The following MOB1A variants were observed in gnomAD, a reference collection of about 807,000 sequenced individuals.
MOB1A encodes the protein MOB kinase activator 1A.
A neutral mutation model predicts 25.1 loss-of-function variants in MOB1A; 10 were observed. The observed-to-expected ratio is 0.40, with a 90% CI of 0.25 to 0.68. The LOEUF (loss-of-function observed/expected upper bound fraction) is 0.68. MOB1A is among the 30% of genes least tolerant of loss of function. The pLI, the probability that MOB1A is intolerant of heterozygous loss-of-function variation, is 0.40. For synonymous variants in MOB1A, 81 were observed against 79.5 expected (o/e 1.02, Z -0.10); for missense variants, 177 against 256.3 (o/e 0.69, Z 2.11).
chr2:74,170,453 A>T (rs1023312139), intron 2 of MOB1A, among the ~76,000 whole-genome samples: 36 of 152,064 alleles, frequency 2.4e-4, no homozygotes, highest in Admixed American at 6.6e-4. Context: ...AAAGTTTTTT[A>T]AAAAAGGTTT....
At chr2:74,163,757 T>C (rs1054861685) in intron 4 of MOB1A, among the ~76,000 whole-genome samples, 7 of 152,194 alleles carry the variant, frequency 4.6e-5, no homozygotes, top group African/African-American at 1.7e-4. Context: ...TTAAGAAACT[T>C]GAACAACTGA....
chr2:74,160,389 CA>C (rs1232419958), intron 4 of MOB1A, among the ~76,000 whole-genome samples: 1 of 152,032 alleles, frequency 6.6e-6, no homozygotes, highest in Non-Finnish European at 1.5e-5. Context: ...CTCTCCTAAG[CA>C]AAATAAAAAG....
At position 74,173,964 on chromosome 2, in the gene MOB1A, A is replaced by AG. The variant is rs1378672326; in HGVS notation, c.15-1213_15-1212insC. Among the ~76,000 whole-genome samples, 4 of 140,118 alleles carry AG rather than the reference A, an allele frequency of 2.9e-5. No homozygotes were observed. The South Asian group carries it at 9.2e-4, about 32-fold the overall frequency. The allele number at this position is 140,118 out of a possible 152,430, so 91.9% of individuals were successfully genotyped here. On this transcript the variant is annotated intron_variant, in intron 1 of 5. Transcript: ENST00000396049. ...ACTCCGTCTCAAAAAAAAAAAAAAAAAAAAAGAAAATGATGGGGCCATGGC... is the reference window on the plus strand; with the variant it reads ...ACTCCGTCTCAAAAAAAAAAAAAAAAGAAAAAGAAAATGATGGGGCCATGGC...
chr2:74,162,366 C>G (rs1692996764), intron 4 of MOB1A, among the ~76,000 whole-genome samples: 1 of 152,068 alleles, frequency 6.6e-6, no homozygotes, highest in Non-Finnish European at 1.5e-5. Context: ...CCTGTAGTCC[C>G]AGCTACTTGG....
At chr2:74,172,887 C>G in intron 1 of MOB1A, 135 bp from the exon 2 acceptor site, 1 of 935,650 alleles carries the variant, frequency 1.1e-6, no homozygotes, top group Non-Finnish European at 1.6e-6. Context: ...CATGGTGGCT[C>G]ATGCCTGTAA....
chr2:74,156,503 G>T lies in MOB1A; in HGVS notation c.*65C>A. 1 of 1,153,268 alleles carries T rather than the reference G, an allele frequency of 8.7e-7. No homozygotes were observed. Among genetic ancestry groups the T allele is most frequent in the Non-Finnish European group, 1.3e-6 (1 of 785,226 alleles). 71.4% of individuals were successfully genotyped at this position (1,153,268 alleles called of 1,614,324 possible). ...AAGTTTGTATCACTAGTCTATAACA[G>T]ATAGCAATGAGATAGTTCTAGCAAT... is the stretch of plus-strand genomic sequence containing the variant. On this transcript the variant is annotated 3_prime_UTR_variant, in exon 6 of 6. Transcript: ENST00000396049.
At chr2:74,160,662 T>C (rs1692942218) in intron 4 of MOB1A, among the ~76,000 whole-genome samples, 1 of 151,376 alleles carries the variant, frequency 6.6e-6, no homozygotes. Flanking sequence ...ATCGCGCCAC[T>C]GCACTCCAGC....
At position 74,155,753 on chromosome 2, in the gene MOB1A, G is replaced by T. The variant is rs1692787323; in HGVS notation, c.*815C>A. Reference sequence around the variant, plus strand: ...GAGATCTAAATTTATTAATATTTTGGATTCCTTTTCTCAGCCAAAAGCTAC... The same window carrying T: ...GAGATCTAAATTTATTAATATTTTGTATTCCTTTTCTCAGCCAAAAGCTAC... On this transcript the variant is annotated 3_prime_UTR_variant, in exon 6 of 6. Transcript: ENST00000396049. The T allele has an allele frequency of 6.6e-6, 1 of 152,252 alleles. No individual in the cohort carries two copies. Among genetic ancestry groups the T allele is most frequent in the Admixed American group, 6.6e-5 (1 of 15,252 alleles). The allele number at this position is 152,252 out of a possible 1,614,324, so 9.4% of individuals were successfully genotyped here.
rs980660432 is a variant in MOB1A at position 74,153,366 on chromosome 2, T to A, written c.*3202A>T. Reference sequence around the variant, plus strand: ...ACAATACAATCAGGAAACCACAATATTGACAAAACTTAGTACTACCACCAA... The same window carrying A: ...ACAATACAATCAGGAAACCACAATAATGACAAAACTTAGTACTACCACCAA... On this transcript the variant is annotated 3_prime_UTR_variant, in exon 6 of 6. Transcript: ENST00000396049. The A allele has an allele frequency of 6.6e-6, 1 of 152,336 alleles. No homozygotes were observed. Among genetic ancestry groups the A allele is most frequent in the Non-Finnish European group, 1.5e-5 (1 of 68,020 alleles). 9.4% of individuals were successfully genotyped at this position (152,336 alleles called of 1,614,324 possible).
chr2:74,167,553 T>C (rs1693167301), intron 2 of MOB1A, among the ~76,000 whole-genome samples: 1 of 152,198 alleles, frequency 6.6e-6, no homozygotes, highest in African/African-American at 2.4e-5. Context: ...CGATGACTAT[T>C]ATATCCTTTG....
chr2:74,166,218 T>C (rs1201153272), intron 3 of MOB1A, among the ~76,000 whole-genome samples: 1 of 150,594 alleles, frequency 6.6e-6, no homozygotes, highest in Non-Finnish European at 1.5e-5. Context: ...TCTTGAAATT[T>C]ATTAAAGTCA....
intron 1 of MOB1A, among the ~76,000 whole-genome samples, chr2:74,177,616 G>A (rs1288184787): frequency 6.6e-6 from 1 of 151,994 alleles, no homozygotes; most frequent in Non-Finnish European, 1.5e-5. Flanking sequence ...AGTAAATACT[G>A]GAAGGAATCC....
rs536435237 is a variant in MOB1A at position 74,176,370 on chromosome 2, T to C, written c.14+2291A>G. On this transcript the variant is annotated intron_variant, in intron 1 of 5. Coordinates refer to ENST00000396049, the MANE Select transcript of MOB1A (RefSeq NM_018221.5). Reference sequence around the variant, plus strand: ...GTTTTTAACATGATAAAAAAAACTATATTGAACAAGGAAGAAAATATTTGC... The same window carrying C: ...GTTTTTAACATGATAAAAAAAACTACATTGAACAAGGAAGAAAATATTTGC... Among the ~76,000 whole-genome samples the C allele has an allele frequency of 2.7e-5, 4 of 146,204 alleles. No homozygotes were observed. In the East Asian group the frequency reaches 8.1e-4, roughly 30 times the overall value.
chr2:74,176,003 T>C (rs944280268), intron 1 of MOB1A, among the ~76,000 whole-genome samples: 1 of 151,534 alleles, frequency 6.6e-6, no homozygotes, highest in Admixed American at 6.6e-5. Flanking sequence ...CCCAGCACTC[T>C]GGGAGGGCAA....
chr2:74,165,380 T>A, intron 3 of MOB1A, 29 bp from the exon 4 acceptor site: 1 of 1,408,614 alleles, frequency 7.1e-7, no homozygotes, highest in Admixed American at 2.7e-5. Context: ...TACTGATAAA[T>A]TTTTCAAAAA....
Position 74,173,376 on chromosome 2 carries a change from GTTTTTTTTTTTTT to G in MOB1A, c.15-637_15-625del, listed in dbSNP as rs35382378. On this transcript the variant is annotated intron_variant, in intron 1 of 5. Coordinates refer to ENST00000396049, the MANE Select transcript of MOB1A (RefSeq NM_018221.5). The stretch of plus-strand genomic sequence containing the variant: ...GAACCTTCTTTTGGCCTCAATTTCG[GTTTTTTTTTTTTT>G]TTTTTTTTTGAGATGTAGTCTTACT... Among the ~76,000 whole-genome samples the G allele has an allele frequency of 1.8e-4, 17 of 93,330 alleles. 1 individual carries two copies. Among genetic ancestry groups the G allele is most frequent in the Middle Eastern group, 0.014 (2 of 140 alleles). 61.2% of individuals were successfully genotyped at this position (93,330 alleles called of 152,430 possible).
chr2:74,164,963 TGGA>T (rs1693084971), intron 4 of MOB1A: 1 of 208,084 alleles, frequency 4.8e-6, no homozygotes. Context: ...ACAAACTTTT[TGGA>T]GGAGAATTTG....
intron 1 of MOB1A, chr2:74,173,323 G>C (rs968769828): frequency 1.2e-5 from 5 of 421,386 alleles, no homozygotes; most frequent in African/African-American, 1.1e-4. Flanking sequence ...TTCTTGATCT[G>C]ACACTAACTG....
intron 1 of MOB1A, among the ~76,000 whole-genome samples, chr2:74,175,803 G>A (rs984098187): frequency 2.0e-5 from 3 of 152,050 alleles, no homozygotes; most frequent in South Asian, 2.1e-4. Flanking sequence ...ACAACCAAAC[G>A]TACAGCAGGA....
Sources: gnomAD v4.1 joint callset for allele counts (sites outside exome capture counted in the v4.1 genomes callset) on GRCh38, gnomAD v4.1.1 for gene constraint, MANE v1.5 for transcripts, NCBI Gene and HGNC (gene_info 2026-07-23, HGNC 2026-07-21) for gene names.